The following DCAF6 variants were observed in gnomAD, a reference collection of about 807,000 sequenced individuals.
The protein encoded by DCAF6 is DDB1 and CUL4 associated factor 6.
A neutral mutation model predicts 125.1 loss-of-function variants in DCAF6; 54 were observed. The observed-to-expected ratio is 0.43, with a 90% CI of 0.35 to 0.54. DCAF6 has a LOEUF of 0.54. Ranked by LOEUF, DCAF6 falls within the 20% of genes least tolerant of loss-of-function variation. The probability of loss-of-function intolerance (pLI) is 0.01; values close to 1 mark genes in which losing one functional copy is unlikely to be tolerated. For missense variants in DCAF6, 934 were observed against 1,161.7 expected (o/e 0.80, Z 2.85); for synonymous variants, 371 against 390.4 (o/e 0.95, Z 0.58).
chr1:167,982,172 T>C (rs1679281696), intron 4 of DCAF6, among the ~76,000 whole-genome samples: 1 of 152,228 alleles, frequency 6.6e-6, no homozygotes, highest in Non-Finnish European at 1.5e-5. Flanking sequence ...TGTATGCCTT[T>C]GGCGAAGTGT....
intron 4 of DCAF6, among the ~76,000 whole-genome samples, chr1:167,983,703 A>C (rs1009365262): frequency 7.9e-5 from 12 of 152,180 alleles, no homozygotes; most frequent in African/African-American, 2.7e-4. Context: ...TTGCTTTTCA[A>C]ATTCTACTAT....
chr1:168,017,163 T>C (rs2103190404), intron 11 of DCAF6, among the ~76,000 whole-genome samples: 1 of 151,862 alleles, frequency 6.6e-6, no homozygotes, highest in South Asian at 2.1e-4. Flanking sequence ...TTCCTATACT[T>C]TAACAATTAA....
At chr1:167,939,087 C>T (rs1443301610) in intron 1 of DCAF6, among the ~76,000 whole-genome samples, 2 of 152,036 alleles carry the variant, frequency 1.3e-5, no homozygotes, top group Admixed American at 1.3e-4. Context: ...TTGAAAGTAT[C>T]GAAACTTGAA....
the DCAF6 span, among the ~76,000 whole-genome samples, chr1:167,877,950 C>T: frequency 6.6e-6 from 1 of 152,180 alleles, no homozygotes. Context: ...TTTTGAACAT[C>T]ACCATGAAAA....
At chr1:167,884,449 C>T in the DCAF6 span, among the ~76,000 whole-genome samples, 1 of 152,152 alleles carries the variant, frequency 6.6e-6, no homozygotes, top group Non-Finnish European at 1.5e-5. Context: ...CAGTCCCCTC[C>T]ACCAACATTG....
intron 7 of DCAF6, among the ~76,000 whole-genome samples, chr1:167,994,095 T>C (rs1382476296): frequency 6.6e-6 from 1 of 151,996 alleles, no homozygotes; most frequent in East Asian, 1.9e-4. Context: ...AAATAATTAC[T>C]AGCGTCTATT....
chr1:168,065,865 A>AC (rs1692261350), intron 19 of DCAF6, 119 bp downstream of exon 19: 1 of 963,144 alleles, frequency 1.0e-6, no homozygotes, highest in African/African-American at 1.6e-5. Context: ...CTGACTAGGC[A>AC]GCAGTAGAGT....
the DCAF6 span, among the ~76,000 whole-genome samples, chr1:167,901,485 C>T: frequency 1.1e-3 from 167 of 152,266 alleles, no homozygotes; most frequent in East Asian, 5.2e-3. Context: ...CCCAAATTCT[C>T]TCAACTGGTA....
intron 4 of DCAF6, among the ~76,000 whole-genome samples, chr1:167,981,651 G>A (rs1571787172): frequency 1.3e-5 from 2 of 152,160 alleles, no homozygotes; most frequent in East Asian, 3.8e-4. Context: ...CTGTTCCTGT[G>A]TTAATTTGCT....
the DCAF6 span, chr1:167,883,640 AGAGCAGC>A: frequency 1.2e-6 from 2 of 1,614,164 alleles, no homozygotes; most frequent in Non-Finnish European, 1.7e-6. Flanking sequence ...TGCAAAGTAG[AGAGCAGC>A]TTTCTGTAGG....
At chr1:167,904,726 A>T in the DCAF6 span, 2 of 610,106 alleles carry the variant, frequency 3.3e-6, no homozygotes, top group South Asian at 4.0e-5. Context: ...TGAGTCAGTG[A>T]AGTTGGGGCA....
At chr1:167,960,075 A>AT (rs919101285) in intron 2 of DCAF6, among the ~76,000 whole-genome samples, 2 of 150,770 alleles carry the variant, frequency 1.3e-5, no homozygotes, top group Non-Finnish European at 1.5e-5. Flanking sequence ...TTTTATTTTT[A>AT]TTTTTTTTGC....
the DCAF6 span, among the ~76,000 whole-genome samples, chr1:167,872,849 A>C: frequency 6.6e-6 from 1 of 151,236 alleles, no homozygotes; most frequent in African/African-American, 2.4e-5. Context: ...AGGCGGGCAG[A>C]TCACGAGATC....
At chr1:167,870,387 A>C in the DCAF6 span, 11 of 1,611,272 alleles carry the variant, frequency 6.8e-6, no homozygotes, top group Admixed American at 3.3e-5. Flanking sequence ...GTATACATGA[A>C]GTAGTTGATC....
intron 10 of DCAF6, among the ~76,000 whole-genome samples, chr1:168,013,763 T>A (rs961338574): frequency 1.2e-4 from 19 of 152,040 alleles, no homozygotes; most frequent in African/African-American, 1.9e-4. Flanking sequence ...TATTATTATT[T>A]TTTGGTGGGT....
At chr1:168,055,105 A>T (rs1690468091) in intron 17 of DCAF6, among the ~76,000 whole-genome samples, 1 of 152,146 alleles carries the variant, frequency 6.6e-6, no homozygotes, top group South Asian at 2.1e-4. Context: ...TTATTCTTTT[A>T]ATATCTTTTT....
Position 167,987,567 on chromosome 1 carries a change from A to G in DCAF6, c.511A>G (p.Thr171Ala), listed in dbSNP as rs768286663. Residue 171 changes from threonine (T) to alanine (A), a missense_variant, in exon 5 of 22, where the codon ACA becomes GCA. Around this residue, in one of 5 missense-constraint regions of DCAF6, gnomAD observed 309 missense variants for 381.2 expected, o/e 0.81. Transcript: ENST00000367840. ...AGATGGAACTGTTAGGTGGTTTGATACACGCATCAAAACTAGCTGCACAAA... is the reference window on the plus strand; with the variant it reads ...AGATGGAACTGTTAGGTGGTTTGATGCACGCATCAAAACTAGCTGCACAAA... Reference protein sequence around the residue: ...GEDGTVRWFDTRIKTSCTKED... With the variant: ...GEDGTVRWFDARIKTSCTKED... 3.7e-6 allele frequency: 6 copies of G among 1,606,652 alleles called. No individual in the cohort carries two copies. Among genetic ancestry groups the G allele is most frequent in the Non-Finnish European group, 5.1e-6 (6 of 1,174,550 alleles).
chr1:168,054,451 C>T (rs1433178790), intron 17 of DCAF6, among the ~76,000 whole-genome samples: 3 of 152,138 alleles, frequency 2.0e-5, no homozygotes, highest in East Asian at 1.9e-4. Flanking sequence ...CCCTCATGAT[C>T]CAATCACCTT....
chr1:167,924,514 C>G, the DCAF6 span: 1 of 1,582,602 alleles, frequency 6.3e-7, no homozygotes, highest in Non-Finnish European at 8.6e-7. Context: ...ATAATTGGAG[C>G]CCAGAAGAAA....
Sources: gnomAD v4.1 joint callset for allele counts (sites outside exome capture counted in the v4.1 genomes callset) on GRCh38, gnomAD v4.1.1 for gene constraint, gnomAD v4.1.1 regional missense constraint, MANE v1.5 for transcripts, NCBI Gene and HGNC (gene_info 2026-07-23, HGNC 2026-07-21) for gene names.